The following ILF2 variants were observed in gnomAD, a reference collection of about 807,000 sequenced individuals.
ILF2 encodes interleukin enhancer binding factor 2, also known as interleukin enhancer-binding factor 2.
Under a neutral mutation model 55.3 loss-of-function variants are expected in ILF2, and 9 were observed. The ratio of observed to expected loss-of-function variants is 0.16; its 90% CI spans 0.10 to 0.28. ILF2 has a LOEUF of 0.28. ILF2 is among the 10% of genes least tolerant of loss of function. The pLI is 1.00. For synonymous variants in ILF2, 151 were observed against 161.8 expected (o/e 0.93, Z 0.50); for missense variants, 266 against 474.9 (o/e 0.56, Z 4.09).
intron 12 of ILF2, 65 bp downstream of exon 12, chr1:153,662,954 G>A: frequency 7.1e-7 from 1 of 1,412,822 alleles, no homozygotes; most frequent in Non-Finnish European, 1.0e-6. Flanking sequence ...ATTCCGCTTT[G>A]CCTGCTGAGC....
At chr1:153,663,346 A>G in intron 10 of ILF2, 70 bp from the exon 11 acceptor site, 3 of 1,392,164 alleles carry the variant, frequency 2.2e-6, no homozygotes, top group Non-Finnish European at 3.1e-6. Flanking sequence ...TTTATTTTTT[A>G]GAGACAGGGC....
chr1:153,667,383 C>T (rs575561802), intron 6 of ILF2, 172 bp downstream of exon 6: 25 of 644,466 alleles, frequency 3.9e-5, no homozygotes, highest in Admixed American at 2.5e-4. Context: ...GAGGCTAAGG[C>T]GGGAAGATCA....
chr1:153,670,788 C>T (rs1669425250), intron 1 of ILF2, 130 bp downstream of exon 1: 3 of 1,074,496 alleles, frequency 2.8e-6, no homozygotes, highest in South Asian at 2.5e-5. Context: ...TATCCTAGAC[C>T]AGGAGTTCTC....
intron 10 of ILF2, among the ~76,000 whole-genome samples, chr1:153,663,771 A>G (rs1669234798): frequency 6.6e-6 from 1 of 151,148 alleles, no homozygotes; most frequent in South Asian, 2.1e-4. Flanking sequence ...AAAACGGGAC[A>G]CTATAACTCA....
In ILF2 at chr1:153,663,048, C is replaced by G. The variant is rs1453891472; in HGVS notation, c.892G>C (p.Val298Leu). ...TDPCESGNFRVHTVMTLEQQD... is the reference protein window; with the variant it reads ...TDPCESGNFRLHTVMTLEQQD... ...TGTTCTAGGGTCATGACTGTGTGTACTCTAAAGTTGCCACTCTCACAGGGG... is the reference window on the plus strand; with the variant it reads ...TGTTCTAGGGTCATGACTGTGTGTAGTCTAAAGTTGCCACTCTCACAGGGG... Residue 298 changes from valine to leucine, a missense_variant, in exon 12 of 14, where the codon GTA becomes CTA. Coordinates refer to ENST00000361891, the MANE Select transcript of ILF2 (RefSeq NM_004515.4). 1 of 1,613,924 alleles carries G rather than the reference C, an allele frequency of 6.2e-7. No homozygotes were observed. The highest frequency in any genetic ancestry group is 8.5e-7 in the Non-Finnish European group (1 of 1,179,942).
intron 6 of ILF2, among the ~76,000 whole-genome samples, chr1:153,666,104 A>C (rs1473532145): frequency 1.3e-5 from 2 of 152,184 alleles, no homozygotes; most frequent in Non-Finnish European, 2.9e-5. Flanking sequence ...GCTGCAGTGC[A>C]GTGGCACAAT....
chr1:153,668,581 A>G (rs199680627), intron 3 of ILF2, 24 bp from the exon 4 acceptor site: 1 of 1,598,558 alleles, frequency 6.3e-7, no homozygotes, highest in Non-Finnish European at 8.5e-7. Context: ...AAACAACTAC[A>G]TTCTATTTGC....
chr1:153,667,549 A>G lies in ILF2; in HGVS notation c.394+6T>C. On this transcript the variant is annotated splice_donor_region_variant and intron_variant, in intron 6 of 13. Coordinates refer to ENST00000361891, the MANE Select transcript of ILF2 (RefSeq NM_004515.4). ...TGTTCCCATGACCAGAAACAGGCAC[A>G]CTCACACGTTGGCAGAATCTTGAGT... The G allele has an allele frequency of 2.5e-6, 4 of 1,581,390 alleles. No homozygotes were observed. The East Asian group carries it at 8.9e-5, about 35-fold the overall frequency.
At chr1:153,664,219 C>T (rs1312528617) in intron 9 of ILF2, 89 bp from the exon 10 acceptor site, 31 of 963,552 alleles carry the variant, frequency 3.2e-5, no homozygotes, top group African/African-American at 4.9e-5. Context: ...ATGCTATTTC[C>T]AGAACTATAC....
chr1:153,670,795 T>G, intron 1 of ILF2, 123 bp downstream of exon 1: 1 of 1,123,974 alleles, frequency 8.9e-7, no homozygotes, highest in Non-Finnish European at 1.4e-6. Context: ...GACCAGGAGT[T>G]CTCAGGTTTT....
chr1:153,670,064 G>A (rs777793653), intron 2 of ILF2, 107 bp downstream of exon 2: 32 of 1,234,474 alleles, frequency 2.6e-5, no homozygotes, highest in Non-Finnish European at 3.3e-5. Flanking sequence ...AAAGACCACA[G>A]TTGGCTCTCG....
At chr1:153,666,246 C>T (rs942955627) in intron 6 of ILF2, among the ~76,000 whole-genome samples, 1 of 152,040 alleles carries the variant, frequency 6.6e-6, no homozygotes, top group African/African-American at 2.4e-5. Flanking sequence ...TGCACTGGCA[C>T]GATCTCTGCT....
In ILF2 at chr1:153,662,277, A is replaced by G; in HGVS notation, c.*119T>C. 1 of 1,280,084 alleles carries G rather than the reference A, an allele frequency of 7.8e-7. No individual in the cohort carries two copies. Among genetic ancestry groups the G allele is most frequent in the South Asian group, 1.4e-5 (1 of 70,666 alleles). 79.3% of individuals were successfully genotyped at this position (1,280,084 alleles called of 1,614,324 possible). ...GTGGAATGACACTTCTATGGAGTTT[A>G]CTTTTCTTCCTGCTATCTTCCCTAT... On this transcript the variant is annotated 3_prime_UTR_variant, in exon 14 of 14. Coordinates refer to ENST00000361891, the MANE Select transcript of ILF2 (RefSeq NM_004515.4).
chr1:153,668,123 C>A (rs1002489110), intron 4 of ILF2, 46 bp from the exon 5 acceptor site: 1 of 1,382,702 alleles, frequency 7.2e-7, no homozygotes, highest in African/African-American at 1.4e-5. Flanking sequence ...AAATTATAAG[C>A]AATTTCTCAG....
At chr1:153,670,565 C>T (rs1669417736) in intron 1 of ILF2, among the ~76,000 whole-genome samples, 1 of 152,156 alleles carries the variant, frequency 6.6e-6, no homozygotes, top group African/African-American at 2.4e-5. Context: ...ATGTCAAGGC[C>T]TTCGCACTGA....
chr1:153,665,540 A>C (rs115708871), intron 7 of ILF2, 123 bp downstream of exon 7: 1 of 948,604 alleles, frequency 1.1e-6, no homozygotes, highest in African/African-American at 1.6e-5. Context: ...AAAAACTCCC[A>C]CAACATAAAA....
intron 10 of ILF2, 129 bp downstream of exon 10, chr1:153,663,913 CT>C: frequency 2.3e-6 from 1 of 438,134 alleles, no homozygotes; most frequent in African/African-American, 2.1e-5. Context: ...AATAAAATTT[CT>C]TTTAAGCTTC....
chr1:153,664,301 G>T, intron 9 of ILF2, 95 bp downstream of exon 9: 1 of 1,163,386 alleles, frequency 8.6e-7, no homozygotes, highest in South Asian at 1.2e-5. Flanking sequence ...GAGGTCACAG[G>T]CAAAATAGTT....
chr1:153,667,359 T>C (rs1227888675), intron 6 of ILF2, 196 bp downstream of exon 6: 1 of 616,514 alleles, frequency 1.6e-6, no homozygotes, highest in Non-Finnish European at 2.9e-6. Flanking sequence ...ACATCTGTAG[T>C]CCCAGCTACT....
Sources: gnomAD v4.1 joint callset for allele counts (sites outside exome capture counted in the v4.1 genomes callset) on GRCh38, gnomAD v4.1.1 for gene constraint, MANE v1.5 for transcripts, NCBI Gene and HGNC (gene_info 2026-07-23, HGNC 2026-07-21) for gene names.